Variants in CDH13 observed in about 807,000 individuals in gnomAD.
CDH13 encodes the protein cadherin 13, also known as cadherin-13.
A neutral mutation model predicts 63.8 loss-of-function variants in CDH13; 24 were observed. The ratio of observed to expected loss-of-function variants is 0.38; its 90% CI spans 0.27 to 0.53. The LOEUF is 0.53. Ranked by LOEUF, CDH13 falls within the 20% of genes least tolerant of loss-of-function variation. The pLI, the probability that CDH13 is intolerant of heterozygous loss-of-function variation, is 0.85. For missense variants in CDH13, 1,049 were observed against 903.1 expected, an observed-to-expected ratio of 1.16 and a Z score of -2.07; for synonymous variants, 503 against 355.3, an observed-to-expected ratio of 1.42 and a Z score of -4.67.
At chr16:83,776,901 C>A (rs759007384) in intron 11 of CDH13, among the ~76,000 whole-genome samples, 1 of 152,188 alleles carries the variant, frequency 6.6e-6, no homozygotes, top group Non-Finnish European at 1.5e-5. Flanking sequence ...AGTTTCAAAG[C>A]CATCTATGTG....
At chr16:82,998,265 T>G (rs569628709) in intron 2 of CDH13, among the ~76,000 whole-genome samples, 76 of 152,346 alleles carry the variant, frequency 5.0e-4, no homozygotes, top group African/African-American at 1.8e-3. Context: ...TTTAATAACA[T>G]CTTGTGTCTT....
At chr16:83,286,102 C>A (rs1412159804) in intron 5 of CDH13, among the ~76,000 whole-genome samples, 1 of 152,124 alleles carries the variant, frequency 6.6e-6, no homozygotes, top group African/African-American at 2.4e-5. Context: ...CAAGTCTGAG[C>A]AACGTTCCTG....
At position 83,276,829 on chromosome 16, in the gene CDH13, C is replaced by T. The variant is rs150379241; in HGVS notation, c.636+59332C>T. 3.9e-5 allele frequency among the ~76,000 whole-genome samples: 6 copies of T among 152,244 alleles called. No individual in the cohort carries two copies. The East Asian group carries it at 1.2e-3, about 29-fold the overall frequency. ...GAGCCTACAGGAGCCAAGATCAGGCCACTGCACTCCAGCCTGGGTGACAGA... is the reference window on the plus strand; with the variant it reads ...GAGCCTACAGGAGCCAAGATCAGGCTACTGCACTCCAGCCTGGGTGACAGA... On this transcript the variant is annotated intron_variant, in intron 5 of 13. Transcript: ENST00000567109.
intron 6 of CDH13, among the ~76,000 whole-genome samples, chr16:83,478,117 G>A (rs983847085): frequency 2.0e-5 from 3 of 148,544 alleles, no homozygotes; most frequent in Non-Finnish European, 4.4e-5. Context: ...CCGAGATCAC[G>A]CCACTGCACT....
At chr16:83,114,729 A>G (rs963382773) in intron 3 of CDH13, among the ~76,000 whole-genome samples, 4 of 152,260 alleles carry the variant, frequency 2.6e-5, no homozygotes, top group African/African-American at 9.6e-5. Context: ...AAAGTTGGAT[A>G]TTTGTTGGGT....
At chr16:82,800,356 A>G (rs186763557) in intron 1 of CDH13, among the ~76,000 whole-genome samples, 2 of 152,266 alleles carry the variant, frequency 1.3e-5, no homozygotes, top group African/African-American at 4.8e-5. Flanking sequence ...GTCTGAGGCA[A>G]AAGCTGGCTA....
At chr16:82,719,793 C>G (rs1040783984) in intron 1 of CDH13, among the ~76,000 whole-genome samples, 1 of 145,806 alleles carries the variant, frequency 6.9e-6, no homozygotes, top group Non-Finnish European at 1.5e-5. Flanking sequence ...TTGCAGTGAG[C>G]CAAGATCACG....
intron 9 of CDH13, among the ~76,000 whole-genome samples, chr16:83,676,157 G>T (rs16961250): frequency 2.0e-5 from 3 of 152,080 alleles, no homozygotes; most frequent in Admixed American, 6.5e-5. Flanking sequence ...GGAGCTGAGC[G>T]GCACAAATTG....
chr16:83,012,857 T>A (rs967411189), intron 2 of CDH13, among the ~76,000 whole-genome samples: 1 of 152,240 alleles, frequency 6.6e-6, no homozygotes, highest in Non-Finnish European at 1.5e-5. Flanking sequence ...GAGAATTTAT[T>A]TTAAATGGAA....
intron 5 of CDH13, among the ~76,000 whole-genome samples, chr16:83,335,315 G>T (rs1015657133): frequency 1.3e-5 from 2 of 151,990 alleles, no homozygotes; most frequent in Non-Finnish European, 2.9e-5. Context: ...ACAATTACCG[G>T]CTCTTAACTT....
intron 2 of CDH13, among the ~76,000 whole-genome samples, chr16:82,976,663 G>A (rs1349195045): frequency 6.6e-6 from 1 of 152,206 alleles, no homozygotes; most frequent in African/African-American, 2.4e-5. Context: ...GGTGGAGAAT[G>A]TAGGTGAGAT....
rs187412812 is a variant in CDH13, at chr16:82,769,237, G to A, written c.46-89125G>A. ...TTATCCCTCACTAGTGCTTGAAAGC[G>A]TGCTGCAACAAATAAATCATCAAAG... On this transcript the variant is annotated intron_variant, in intron 1 of 13. Transcript: ENST00000567109. Among the ~76,000 whole-genome samples the A allele has an allele frequency of 1.2e-3, 180 of 152,226 alleles. 1 individual carries two copies. The highest frequency in any genetic ancestry group is 2.9e-3 in the African/African-American group (120 of 41,532).
intron 7 of CDH13, among the ~76,000 whole-genome samples, chr16:83,503,840 G>T (rs2074338484): frequency 6.6e-6 from 1 of 151,702 alleles, no homozygotes; most frequent in Admixed American, 6.6e-5. Context: ...CATTCTATAG[G>T]TTGCCTGTTC....
intron 1 of CDH13, among the ~76,000 whole-genome samples, chr16:82,699,754 A>G (rs2030761185): frequency 6.6e-6 from 1 of 151,940 alleles, no homozygotes; most frequent in Non-Finnish European, 1.5e-5. Context: ...GCCACAGAAC[A>G]AACGTAACAG....
At chr16:83,483,638 G>C (rs2151558875) in intron 6 of CDH13, among the ~76,000 whole-genome samples, 1 of 152,258 alleles carries the variant, frequency 6.6e-6, no homozygotes, top group African/African-American at 2.4e-5. Flanking sequence ...CCTGGGTCAA[G>C]TGTACTTAAC....
chr16:82,886,937 C>T (rs1290342903), intron 2 of CDH13, among the ~76,000 whole-genome samples: 1 of 152,168 alleles, frequency 6.6e-6, no homozygotes, highest in African/African-American at 2.4e-5. Context: ...TGGATAACTA[C>T]TCCATTCTGT....
intron 2 of CDH13, among the ~76,000 whole-genome samples, chr16:82,955,664 A>G (rs927085096): frequency 1.3e-5 from 2 of 152,210 alleles, no homozygotes; most frequent in African/African-American, 4.8e-5. Context: ...GGGGACAAAA[A>G]CAGATACAAT....
chr16:83,606,019 G>A (rs1177879749), intron 8 of CDH13, among the ~76,000 whole-genome samples: 1 of 152,216 alleles, frequency 6.6e-6, no homozygotes, highest in Admixed American at 6.5e-5. Context: ...TGGCTCAGAT[G>A]CAGTGGCCTC....
intron 5 of CDH13, among the ~76,000 whole-genome samples, chr16:83,267,896 C>G (rs545188175): frequency 6.6e-6 from 1 of 152,344 alleles, no homozygotes; most frequent in African/African-American, 2.4e-5. Flanking sequence ...CACATGTGCT[C>G]TCATACCTCA....
Sources: allele counts gnomAD v4.1 joint callset (sites outside exome capture counted in the v4.1 genomes callset), GRCh38; gene constraint gnomAD v4.1.1; transcripts MANE v1.5; gene names NCBI Gene and HGNC (gene_info 2026-07-23, HGNC 2026-07-21).